ZNF493: variants seen among roughly 807,000 people sequenced by gnomAD.
ZNF493 encodes the protein zinc finger protein 493.
ZNF493 carries 11 observed loss-of-function variants against 12.2 expected under a neutral mutation model. That is an observed-to-expected ratio of 0.90 (90% confidence interval 0.57 to 1.50). The LOEUF (loss-of-function observed/expected upper bound fraction) is 1.50, where lower values mean the gene tolerates loss of function less well. Ranked by LOEUF, ZNF493 falls within the 40% of genes most tolerant of loss-of-function variation. The probability of loss-of-function intolerance (pLI) is 0.00; values close to 1 mark genes in which losing one functional copy is unlikely to be tolerated. For synonymous variants in ZNF493, 286 were observed against 302.6 expected (o/e 0.95, Z 0.57); for missense variants, 950 against 906.6 (o/e 1.05, Z -0.61).
intron 3 of ZNF493, among the ~76,000 whole-genome samples, chr19:21,420,655 T>TTTTTTTTTTTTTC (rs766934918): frequency 6.4e-5 from 3 of 46,514 alleles, no homozygotes; most frequent in African/African-American, 9.4e-5. Context: ...TTTTTTTTTT[T>TTTTTTTTTTTTTC]CAGAACTTTG....
At chr19:21,406,899 G>A (rs1288537604) in intron 3 of ZNF493, among the ~76,000 whole-genome samples, 1 of 151,798 alleles carries the variant, frequency 6.6e-6, no homozygotes, top group Non-Finnish European at 1.5e-5. Flanking sequence ...TACTTTAACA[G>A]TATTTATTTT....
intron 1 of ZNF493, among the ~76,000 whole-genome samples, chr19:21,402,403 A>G (rs1303804730): frequency 3.3e-5 from 5 of 152,030 alleles, no homozygotes; most frequent in Admixed American, 1.3e-4. Flanking sequence ...GCCCTGACGA[A>G]CTCTCTAATT....
In ZNF493 at chr19:21,424,170, T is replaced by G. The variant is rs766991840; in HGVS notation, c.1511T>G (p.Leu504Arg). Reference protein sequence around the residue: ...CGKAFNQSSTLSIHKIIHTGE... With the variant: ...CGKAFNQSSTRSIHKIIHTGE... The stretch of plus-strand genomic sequence containing the variant: ...AAAGCTTTTAACCAATCTTCAACCC[T>G]TAGTATACATAAAATAATTCATACT... The change falls in exon 4 of 4, where the codon CTT becomes CGT. Residue 504 changes from leucine (L) to arginine (R), a missense_variant. Transcript: ENST00000392288. The G allele has an allele frequency of 1.1e-5, 17 of 1,613,482 alleles. No individual in the cohort carries two copies. The African/African-American group carries it at 1.7e-4, about 16-fold the overall frequency.
intron 3 of ZNF493, among the ~76,000 whole-genome samples, chr19:21,409,047 G>A (rs1329269434): frequency 6.6e-6 from 1 of 151,794 alleles, no homozygotes; most frequent in African/African-American, 2.4e-5. Flanking sequence ...ACCACGCCTG[G>A]CTAATTTTTT....
chr19:21,408,884 T>TG (rs35597453), intron 3 of ZNF493: 4 of 680,944 alleles, frequency 5.9e-6, no homozygotes, highest in Non-Finnish European at 7.1e-6. Flanking sequence ...TTTCTTTCTT[T>TG]TTTTTTTTTT....
chr19:21,408,409 G>A lies in ZNF493; in HGVS notation c.253+2553G>A, dbSNP rs980646410. 42 of 983,434 alleles carry A rather than the reference G, an allele frequency of 4.3e-5. No individual in the cohort carries two copies. In the South Asian group the frequency reaches 1.6e-3, roughly 36 times the overall value. The allele number at this position is 983,434 out of a possible 1,614,324, so 60.9% of individuals were successfully genotyped here. A position where few individuals can be genotyped will look rare whatever the true frequency, so the allele number is the denominator to read the frequency against. On this transcript the variant is annotated intron_variant, in intron 3 of 3. Transcript: ENST00000392288. ...CCTCCTGGGTGCTGGGATTACAGAC[G>A]TGAGCCACCACCCCCGGCCACTTGT...
intron 3 of ZNF493, among the ~76,000 whole-genome samples, chr19:21,409,152 G>A (rs1257110678): frequency 1.3e-5 from 2 of 151,972 alleles, no homozygotes; most frequent in African/African-American, 4.8e-5. Context: ...CCAAAGTGCT[G>A]GGATCAGAGA....
At chr19:21,410,054 T>TTG (rs71176869) in intron 3 of ZNF493, among the ~76,000 whole-genome samples, 59 of 47,260 alleles carry the variant, frequency 1.2e-3, no homozygotes, top group African/African-American at 3.9e-3. Context: ...TAATATTTCA[T>TTG]TGTGTGTATA....
At chr19:21,418,332 G>C (rs1163607413) in intron 3 of ZNF493, among the ~76,000 whole-genome samples, 1 of 152,104 alleles carries the variant, frequency 6.6e-6, no homozygotes, top group Non-Finnish European at 1.5e-5. Flanking sequence ...CTCATTATCA[G>C]TGTGAAAAAG....
rs1028781739 is a variant in ZNF493 at position 21,423,753 on chromosome 19, C to G, written c.1094C>G (p.Thr365Ser). ...CKAYKESSHL[T>S]THKRIHTGEK... ...GCTTATAAGGAGTCCTCACACCTTA[C>G]TACACATAAAAGAATTCATACTGGA... is the stretch of plus-strand genomic sequence containing the variant. The change falls in exon 4 of 4, where the codon ACT becomes AGT. Residue 365 changes from threonine (T) to serine (S), a missense_variant. By Grantham distance (58) the Thr-to-Ser change is moderately conservative (BLOSUM62 1). Coordinates refer to ENST00000392288, the MANE Select transcript of ZNF493 (RefSeq NM_001076678.3). The G allele has an allele frequency of 1.2e-6, 2 of 1,613,168 alleles. No homozygotes were observed. Among genetic ancestry groups the G allele is most frequent in the Admixed American group, 1.7e-5 (1 of 59,956 alleles).
intron 3 of ZNF493, among the ~76,000 whole-genome samples, chr19:21,417,680 C>T (rs2030534952): frequency 6.6e-6 from 1 of 152,160 alleles, no homozygotes; most frequent in Non-Finnish European, 1.5e-5. Flanking sequence ...ACCAGTTGTG[C>T]ATCTAAACCA....
intron 3 of ZNF493, among the ~76,000 whole-genome samples, chr19:21,415,723 G>A (rs1191822187): frequency 6.6e-6 from 1 of 152,088 alleles, no homozygotes; most frequent in Non-Finnish European, 1.5e-5. Context: ...ATGCCTTGTG[G>A]CAACATTTTC....
chr19:21,408,694 C>G (rs757058659), intron 3 of ZNF493: 3 of 984,772 alleles, frequency 3.0e-6, no homozygotes, highest in Non-Finnish European at 3.6e-6. Flanking sequence ...ATCAGCTTAT[C>G]GTGGTTTTTG....
At chr19:21,422,446 T>TATTC (rs1491226823) in intron 3 of ZNF493, among the ~76,000 whole-genome samples, 4 of 126,912 alleles carry the variant, frequency 3.2e-5, no homozygotes, top group Non-Finnish European at 1.7e-5. Flanking sequence ...TTTATTTATT[T>TATTC]ATTTATTTAT....
chr19:21,397,505 C>T, intron 1 of ZNF493: 1 of 612,058 alleles, frequency 1.6e-6, no homozygotes, highest in Non-Finnish European at 2.9e-6. Flanking sequence ...GCCTGGAGTC[C>T]TCTCTGGCAG....
At chr19:21,405,327 T>C in intron 2 of ZNF493, 72 bp downstream of exon 2, 1 of 1,552,606 alleles carries the variant, frequency 6.4e-7, no homozygotes, top group Non-Finnish European at 8.6e-7. Flanking sequence ...ATAGAATAAT[T>C]TTTGGTAATT....
intron 1 of ZNF493, among the ~76,000 whole-genome samples, chr19:21,403,657 C>CT (rs371094352): frequency 6.7e-4 from 84 of 125,476 alleles, no homozygotes; most frequent in Non-Finnish European, 9.0e-4. Context: ...GGAAAAATGG[C>CT]TTTTTTTTTC....
At chr19:21,408,399 G>C (rs968327790) in intron 3 of ZNF493, 2 of 979,426 alleles carry the variant, frequency 2.0e-6, no homozygotes, top group Non-Finnish European at 2.4e-6. Context: ...TGGGTGCTGG[G>C]ATTACAGACG....
intron 1 of ZNF493, among the ~76,000 whole-genome samples, chr19:21,400,508 C>G (rs773192732): frequency 4.6e-5 from 7 of 152,190 alleles, no homozygotes; most frequent in South Asian, 2.1e-4. Context: ...TTTCAAAAAC[C>G]AAGTGAGTAA....
Sources: gnomAD v4.1 joint callset for allele counts (sites outside exome capture counted in the v4.1 genomes callset) on GRCh38, gnomAD v4.1.1 for gene constraint, MANE v1.5 for transcripts, NCBI Gene and HGNC (gene_info 2026-07-23, HGNC 2026-07-21) for gene names.